CTNND1: variants seen among roughly 807,000 people sequenced by gnomAD.
CTNND1 encodes the protein catenin delta-1.
Under a neutral mutation model 112.1 loss-of-function variants are expected in CTNND1, and 16 were observed. The ratio of observed to expected loss-of-function variants is 0.14; its 90% CI spans 0.10 to 0.22. The LOEUF is 0.22. CTNND1 is among the 10% of genes least tolerant of loss of function. The pLI, the probability that CTNND1 is intolerant of heterozygous loss-of-function variation, is 1.00. For missense variants in CTNND1, 1,008 were observed against 1,257.0 expected (o/e 0.80, Z 3.00); for synonymous variants, 420 against 446.5 (o/e 0.94, Z 0.75).
At chr11:57,800,372 A>G (rs1351998425) in intron 6 of CTNND1, among the ~76,000 whole-genome samples, 2 of 151,550 alleles carry the variant, frequency 1.3e-5, no homozygotes, top group Admixed American at 6.6e-5. Flanking sequence ...GGTTCAAGCG[A>G]TTCTCTTGCC....
chr11:57,776,400 G>C (rs1954241150), intron 1 of CTNND1, among the ~76,000 whole-genome samples: 1 of 152,152 alleles, frequency 6.6e-6, no homozygotes, highest in African/African-American at 2.4e-5. Flanking sequence ...GAATTCTCAG[G>C]CACTCTTAAT....
intron 18 of CTNND1, among the ~76,000 whole-genome samples, chr11:57,815,003 G>A (rs902210394): frequency 9.9e-5 from 15 of 151,988 alleles, no homozygotes; most frequent in Admixed American, 2.0e-4. Flanking sequence ...AGTCTCACTC[G>A]TTCACCTGGG....
At chr11:57,811,886 A>G (rs995741905) in intron 17 of CTNND1, among the ~76,000 whole-genome samples, 1 of 152,226 alleles carries the variant, frequency 6.6e-6, no homozygotes, top group Non-Finnish European at 1.5e-5. Flanking sequence ...AACCACTTGT[A>G]TCTTTTAAAA....
At chr11:57,769,879 C>T (rs1288793552) in intron 1 of CTNND1, among the ~76,000 whole-genome samples, 2 of 152,050 alleles carry the variant, frequency 1.3e-5, no homozygotes, top group Non-Finnish European at 2.9e-5. Context: ...ATTTCATCTG[C>T]ATTTCTTGAT....
At chr11:57,775,495 TG>T (rs914676463) in intron 1 of CTNND1, among the ~76,000 whole-genome samples, 8 of 152,166 alleles carry the variant, frequency 5.3e-5, no homozygotes, top group African/African-American at 1.4e-4. Context: ...CCTCTTGATT[TG>T]GGGGTTATGC....
At chr11:57,808,102 C>G in intron 12 of CTNND1, 63 bp from the exon 13 acceptor site, 1 of 1,542,928 alleles carries the variant, frequency 6.5e-7, no homozygotes, top group Non-Finnish European at 8.8e-7. Flanking sequence ...GGACTCCAGC[C>G]AGCTAGAGCC....
chr11:57,771,550 A>G (rs770025688), intron 1 of CTNND1, among the ~76,000 whole-genome samples: 10 of 152,202 alleles, frequency 6.6e-5, no homozygotes, highest in Non-Finnish European at 1.3e-4. Context: ...GTTATTGCCA[A>G]TGAACAAAAG....
rs1339477350 is a variant in CTNND1 at position 57,805,002 on chromosome 11, G to A, written c.1722+222G>A. 4.6e-5 allele frequency among the ~76,000 whole-genome samples: 7 copies of A among 152,200 alleles called. No homozygotes were observed. In the South Asian group the frequency reaches 1.0e-3, roughly 23 times the overall value. On this transcript the variant is annotated intron_variant, in intron 9 of 20. Transcript: ENST00000399050. The stretch of plus-strand genomic sequence containing the variant: ...CAACTTCTGCTTCCTGGGTTCAAGC[G>A]ATTCTCATGCCTCAGCCTCCCAAGT...
chr11:57,806,401 C>A, intron 10 of CTNND1, 60 bp from the exon 11 acceptor site: 1 of 1,467,272 alleles, frequency 6.8e-7, no homozygotes, highest in East Asian at 2.3e-5. Context: ...CATCTTTCTC[C>A]TGCATTTTTC....
Position 57,767,129 on chromosome 11 carries a change from G to A in CTNND1, c.-214+5010G>A, listed in dbSNP as rs1216718245. ...TGGGACTACAGGTGCGCGCCACCAC[G>A]CCCTGCTAATTTTTTGTATATTTAG... On this transcript the variant is annotated intron_variant, in intron 1 of 20. Coordinates refer to ENST00000399050, the MANE Select transcript of CTNND1 (RefSeq NM_001085458.2). Among the ~76,000 whole-genome samples, 12 of 152,130 alleles carry A rather than the reference G, an allele frequency of 7.9e-5. No individual in the cohort carries two copies. The East Asian group carries it at 2.1e-3, about 27-fold the overall frequency.
chr11:57,816,241 G>A (rs1468789754), intron 20 of CTNND1, 56 bp from the exon 21 acceptor site: 1 of 1,608,452 alleles, frequency 6.2e-7, no homozygotes. Flanking sequence ...TTTTTGGGGG[G>A]GGTCTCCTTA....
chr11:57,768,395 T>C (rs1453923491), intron 1 of CTNND1, among the ~76,000 whole-genome samples: 6 of 138,428 alleles, frequency 4.3e-5, no homozygotes, highest in Non-Finnish European at 4.7e-5. Context: ...CCTTTTTTTT[T>C]TTTTTTTTTT....
rs1446895677 is a variant in CTNND1, at chr11:57,761,880, A to T, written c.-453A>T. 1.0e-6 allele frequency: 1 copy of T among 984,674 alleles called. No homozygotes were observed. The highest frequency in any genetic ancestry group is 1.2e-6 in the Non-Finnish European group (1 of 829,718). 61.0% of individuals were successfully genotyped at this position (984,674 alleles called of 1,614,324 possible). Reference sequence around the variant, plus strand: ...ATTTTAGGTGTTGGATCTGAGGGGGAAAAAAAAGAGAGAGGGAGAGAGAGA... The same window carrying T: ...ATTTTAGGTGTTGGATCTGAGGGGGTAAAAAAAGAGAGAGGGAGAGAGAGA... On this transcript the variant is annotated 5_prime_UTR_variant, in exon 1 of 21. Transcript: ENST00000399050.
chr11:57,812,374 G>C, intron 17 of CTNND1, among the ~76,000 whole-genome samples: 1 of 152,066 alleles, frequency 6.6e-6, no homozygotes, highest in East Asian at 1.9e-4. Flanking sequence ...ACAAAAATTA[G>C]CTGGGTGTGG....
chr11:57,808,498 C>G lies in CTNND1; in HGVS notation c.2200C>G (p.Leu734Val). 6.2e-7 allele frequency: 1 copy of G among 1,610,632 alleles called. No homozygotes were observed. Among genetic ancestry groups the G allele is most frequent in the Non-Finnish European group, 8.5e-7 (1 of 1,178,844 alleles). ...GGTGGTGAAAGCTGCATCTGGAGCA[C>G]TGAGAAACCTGGCTGTGGATGCTCG... Reference protein sequence around the residue: ...ERVVKAASGALRNLAVDARNK... With the variant: ...ERVVKAASGAVRNLAVDARNK... The change falls in exon 14 of 21, where the codon CTG becomes GTG. Residue 734 changes from leucine to valine, a missense_variant. This residue lies in a region of CTNND1 where 254 missense variants were observed against 279.5 expected (regional missense o/e 0.91). Coordinates refer to ENST00000399050, the MANE Select transcript of CTNND1 (RefSeq NM_001085458.2).
rs55981926 is a variant in CTNND1, at chr11:57,805,550, C to CT, written c.1723-322dup. On this transcript the variant is annotated intron_variant, in intron 9 of 20. Coordinates refer to ENST00000399050, the MANE Select transcript of CTNND1 (RefSeq NM_001085458.2). ...GAGCCACTGTGCCCGGCTTTTTTTT[C>CT]TTTTTTTTTTAAATCTGTCACCTAT... Among the ~76,000 whole-genome samples, 99 of 151,436 alleles carry CT rather than the reference C, an allele frequency of 6.5e-4. 1 individual carries two copies. Among genetic ancestry groups the CT allele is most frequent in the African/African-American group, 2.2e-3 (91 of 41,172 alleles).
Position 57,810,194 on chromosome 11 carries a change from AAAG to A in CTNND1, c.2525_2527del (p.Glu842del). 2 of 1,611,132 alleles carry A rather than the reference AAAG, an allele frequency of 1.2e-6. No individual in the cohort carries two copies. The highest frequency in any genetic ancestry group is 2.2e-5 in the East Asian group (1 of 44,750). ...TAAGGAACTGCGGAAGCCACTGGAA[AAAG>A]AAGGATGGAAGAAATCAGACTTTCA... On this transcript the variant is annotated inframe_deletion, in exon 16 of 21. Coordinates refer to ENST00000399050, the MANE Select transcript of CTNND1 (RefSeq NM_001085458.2).
intron 7 of CTNND1, 146 bp downstream of exon 7, chr11:57,802,342 G>T: frequency 1.4e-6 from 1 of 690,202 alleles, no homozygotes; most frequent in East Asian, 2.6e-5. Flanking sequence ...GATTTGTTTG[G>T]ATCACACAGC....
At chr11:57,769,923 C>G (rs1470875054) in intron 1 of CTNND1, among the ~76,000 whole-genome samples, 2 of 148,808 alleles carry the variant, frequency 1.3e-5, no homozygotes, top group East Asian at 1.9e-4. Context: ...GACAGTTGAG[C>G]AAAAAAAAAA....
Sources: gnomAD v4.1 joint callset for allele counts (sites outside exome capture counted in the v4.1 genomes callset) on GRCh38, gnomAD v4.1.1 for gene constraint, gnomAD v4.1.1 regional missense constraint, MANE v1.5 for transcripts, NCBI Gene and HGNC (gene_info 2026-07-23, HGNC 2026-07-21) for gene names.